LAMC1: variants seen among roughly 807,000 people sequenced by gnomAD.
LAMC1 encodes laminin subunit gamma-1.
In LAMC1, 38 loss-of-function variants were observed where a neutral mutation model predicts 173.6. The ratio of observed to expected loss-of-function variants is 0.22; its 90% CI spans 0.17 to 0.29. The LOEUF (loss-of-function observed/expected upper bound fraction) is 0.29. Among genes scored for constraint, LAMC1 ranks in the 10% least tolerant of loss-of-function variants. LAMC1 has a pLI of 1.00. For synonymous variants in LAMC1, 746 were observed against 749.1 expected (o/e 1.00, Z 0.07); for missense variants, 1,824 against 2,051.8 (o/e 0.89, Z 2.14).
chr1:183,067,240 GA>G (rs1303079018), intron 1 of LAMC1, among the ~76,000 whole-genome samples: 2 of 151,870 alleles, frequency 1.3e-5, no homozygotes, highest in East Asian at 3.9e-4. Context: ...GTAGCTCTGG[GA>G]TTTTTTTCAG....
intron 1 of LAMC1, among the ~76,000 whole-genome samples, chr1:183,026,514 A>G (rs1160537481): frequency 1.3e-5 from 2 of 152,154 alleles, no homozygotes; most frequent in Non-Finnish European, 2.9e-5. Flanking sequence ...GATGTTTAGC[A>G]TATTCACTCC....
At chr1:183,040,042 G>A (rs1160414448) in intron 1 of LAMC1, among the ~76,000 whole-genome samples, 1 of 152,212 alleles carries the variant, frequency 6.6e-6, no homozygotes, top group Non-Finnish European at 1.5e-5. Context: ...TTGGAGGTGA[G>A]ACTCTGAATG....
chr1:183,112,928 C>T (rs2102079024), intron 4 of LAMC1, among the ~76,000 whole-genome samples: 1 of 152,284 alleles, frequency 6.6e-6, no homozygotes, highest in South Asian at 2.1e-4. Flanking sequence ...CTCACACTTG[C>T]AGTCCCAGCA....
intron 1 of LAMC1, among the ~76,000 whole-genome samples, chr1:183,055,873 A>G (rs956560350): frequency 6.6e-6 from 1 of 152,248 alleles, no homozygotes; most frequent in Non-Finnish European, 1.5e-5. Context: ...TTTGGTGCAA[A>G]GCAAGCATAC....
chr1:183,113,690 G>A (rs6669796), intron 4 of LAMC1, among the ~76,000 whole-genome samples: 1 of 151,796 alleles, frequency 6.6e-6, no homozygotes, highest in Non-Finnish European at 1.5e-5. Flanking sequence ...TTCATCTGTC[G>A]TGGCACTAAT....
At chr1:183,048,993 G>A (rs1260730371) in intron 1 of LAMC1, among the ~76,000 whole-genome samples, 1 of 152,138 alleles carries the variant, frequency 6.6e-6, no homozygotes, top group Non-Finnish European at 1.5e-5. Context: ...TGATGGCAGG[G>A]ACTACATCTT....
chr1:183,024,199 G>C (rs1197410997), intron 1 of LAMC1, 65 bp downstream of exon 1: 7 of 1,452,554 alleles, frequency 4.8e-6, no homozygotes, highest in Non-Finnish European at 6.4e-6. Flanking sequence ...GACCGGCTCC[G>C]TCCCAGTGGC....
chr1:183,132,785 G>A (rs1656832296), intron 21 of LAMC1, among the ~76,000 whole-genome samples: 1 of 152,004 alleles, frequency 6.6e-6, no homozygotes, highest in Admixed American at 6.6e-5. Context: ...TTAAAATTGT[G>A]CACAAATAAA....
chr1:183,035,804 C>T (rs1158980383), intron 1 of LAMC1, among the ~76,000 whole-genome samples: 3 of 152,088 alleles, frequency 2.0e-5, no homozygotes, highest in Non-Finnish European at 4.4e-5. Context: ...TAACCAGATA[C>T]CCTATTCTTT....
intron 4 of LAMC1, among the ~76,000 whole-genome samples, chr1:183,113,023 A>G (rs975800983): frequency 1.3e-5 from 2 of 152,180 alleles, no homozygotes; most frequent in Admixed American, 1.3e-4. Flanking sequence ...AAAAAATAAA[A>G]TAATTAGCAA....
Position 183,102,752 on chromosome 1 carries a change from C to T in LAMC1, c.419-576C>T, listed in dbSNP as rs185316062. On this transcript the variant is annotated intron_variant, in intron 1 of 27. Coordinates refer to ENST00000258341, the MANE Select transcript of LAMC1 (RefSeq NM_002293.4). ...TTCATCCACTGAAGGAATTTTTTTT[C>T]CTCTTTCTTATTCTACTCCCTGCTA... Among the ~76,000 whole-genome samples the T allele has an allele frequency of 3.1e-3, 476 of 151,982 alleles. 2 individuals are homozygous for T. The highest frequency in any genetic ancestry group is 0.011 in the African/African-American group (461 of 41,504).
At chr1:183,083,146 T>C (rs1182115998) in intron 1 of LAMC1, among the ~76,000 whole-genome samples, 1 of 152,224 alleles carries the variant, frequency 6.6e-6, no homozygotes, top group Non-Finnish European at 1.5e-5. Context: ...TTGGGCTTTC[T>C]TTTACATTAT....
intron 20 of LAMC1, among the ~76,000 whole-genome samples, chr1:183,131,828 A>C (rs1418599800): frequency 1.3e-5 from 2 of 152,228 alleles, no homozygotes; most frequent in Non-Finnish European, 2.9e-5. Context: ...AGTTTTTCTG[A>C]AGAATTATAA....
intron 1 of LAMC1, among the ~76,000 whole-genome samples, chr1:183,078,051 T>C (rs1054984561): frequency 1.3e-5 from 2 of 152,132 alleles, no homozygotes; most frequent in South Asian, 2.1e-4. Context: ...AGTGTACTTA[T>C]AAAAGCTTTT....
chr1:183,133,469 G>A lies in LAMC1; in HGVS notation c.3768G>A (p.Glu1256=), dbSNP rs549358392. 67 of 1,614,080 alleles carry A rather than the reference G, an allele frequency of 4.2e-5. No individual in the cohort carries two copies. The Admixed American group carries it at 4.3e-4, about 10-fold the overall frequency. Residue 1256 remains glutamate (E), a synonymous_variant, in exon 22 of 28, where the codon GAG becomes GAA. Transcript: ENST00000258341. ...LEKQAARVHE[E]AKRAGDKAVE... Reference sequence around the variant, plus strand: ...AACAAGCTGCCCGAGTACATGAGGAGGCCAAAAGGGCCGGTGACAAAGCTG... The same window carrying A: ...AACAAGCTGCCCGAGTACATGAGGAAGCCAAAAGGGCCGGTGACAAAGCTG...
intron 1 of LAMC1, among the ~76,000 whole-genome samples, chr1:183,096,225 T>TA (rs34188086): frequency 0.52 from 78,604 of 151,962 alleles, 20,963 homozygotes; most frequent in South Asian, 0.65. Context: ...GCTTAAACTT[T>TA]ATTTTGATAC....
At chr1:183,056,252 G>A (rs1654593047) in intron 1 of LAMC1, among the ~76,000 whole-genome samples, 1 of 152,242 alleles carries the variant, frequency 6.6e-6, no homozygotes, top group Non-Finnish European at 1.5e-5. Flanking sequence ...GTGAGCCATA[G>A]TGTTTCCCTT....
intron 24 of LAMC1, among the ~76,000 whole-genome samples, chr1:183,135,505 C>A (rs1175220255): frequency 6.6e-6 from 1 of 151,872 alleles, no homozygotes; most frequent in Non-Finnish European, 1.5e-5. Context: ...GAAATGTGAC[C>A]AATTCACTGA....
rs3359 is a variant in LAMC1 at position 183,142,906 on chromosome 1, G to A, written c.*116G>A. 9.2e-7 allele frequency: 1 copy of A among 1,087,052 alleles called. No individual in the cohort carries two copies. Among genetic ancestry groups the A allele is most frequent in the Non-Finnish European group, 1.3e-6 (1 of 757,994 alleles). 67.3% of individuals were successfully genotyped at this position (1,087,052 alleles called of 1,614,324 possible). ...CCCCCACTCCTCTGCTGCTGTCCAT[G>A]ACTGTCCTTTTGAACCAGGAAAAGT... On this transcript the variant is annotated 3_prime_UTR_variant, in exon 28 of 28. Transcript: ENST00000258341.
Sources: gnomAD v4.1 joint callset for allele counts (sites outside exome capture counted in the v4.1 genomes callset) on GRCh38, gnomAD v4.1.1 for gene constraint, MANE v1.5 for transcripts, NCBI Gene and HGNC (gene_info 2026-07-23, HGNC 2026-07-21) for gene names.